GNAS: variants seen among roughly 807,000 people sequenced by gnomAD.
The protein encoded by GNAS is GNAS complex locus.
A neutral mutation model predicts 54.5 loss-of-function variants in GNAS; 8 were observed. That is an observed-to-expected ratio of 0.15 (90% CI 0.09 to 0.26). GNAS has a LOEUF of 0.26. Among genes scored for constraint, GNAS ranks in the 10% least tolerant of loss-of-function variants. GNAS has a pLI of 1.00. For missense variants in GNAS, 170 were observed against 529.8 expected (o/e 0.32, Z 6.67); for synonymous variants, 204 against 191.4 (o/e 1.07, Z -0.54).
rs1435011443 is a variant in GNAS at position 58,909,638 on chromosome 20, A to T, written c.719-46A>T. 6.2e-7 allele frequency: 1 copy of T among 1,613,916 alleles called. No individual in the cohort carries two copies. Among genetic ancestry groups the T allele is most frequent in the Non-Finnish European group, 8.5e-7 (1 of 1,179,992 alleles). On this transcript the variant is annotated intron_variant, in intron 9 of 12. Coordinates refer to ENST00000371085, the MANE Select transcript of GNAS (RefSeq NM_000516.7). This position sits in a 1 kb window ranked among gnomAD's most constrained non-coding sequence, Gnocchi z 7.3. ...ACGCTTTGCTTCTGTGTTGTTAGGG[A>T]TCAGGGTCGCTGCTCACGCTCTTGG...
At chr20:58,859,555 G>C (rs2086673125) in intron 1 of GNAS, among the ~76,000 whole-genome samples, 1 of 151,704 alleles carries the variant, frequency 6.6e-6, no homozygotes, top group Admixed American at 6.6e-5. Flanking sequence ...AAACAGTCCT[G>C]GGCAATAAAA....
intron 1 of GNAS, among the ~76,000 whole-genome samples, chr20:58,860,823 G>A (rs553808071): frequency 3.9e-5 from 6 of 152,176 alleles, no homozygotes; most frequent in African/African-American, 1.4e-4. Context: ...ACCACACCTG[G>A]ATAATTTTTT....
intron 1 of GNAS, among the ~76,000 whole-genome samples, chr20:58,869,640 G>T (rs1174272683): frequency 6.6e-6 from 1 of 152,170 alleles, no homozygotes; most frequent in Non-Finnish European, 1.5e-5. Context: ...ACAGAGAAGG[G>T]ACTTGCTAGG....
At chr20:58,871,646 A>T (rs1278211699) in intron 1 of GNAS, among the ~76,000 whole-genome samples, 1 of 150,324 alleles carries the variant, frequency 6.7e-6, no homozygotes, top group Admixed American at 6.6e-5. Context: ...ACAAAAAAAA[A>T]ACCAAAAAAA....
chr20:58,909,054 C>A lies in GNAS; in HGVS notation c.531-108C>A. On this transcript the variant is annotated intron_variant, in intron 6 of 12. Coordinates refer to ENST00000371085, the MANE Select transcript of GNAS (RefSeq NM_000516.7). The surrounding 1 kb of genome is among the most constrained non-coding windows in gnomAD (Gnocchi z 7.3). ...GTGCCATTGACTTAGTGCTGCATAA[C>A]TGTGGGACGGTCACTTCCGTTGAGC... 2.2e-6 allele frequency: 2 copies of A among 902,592 alleles called. No individual in the cohort carries two copies. Among genetic ancestry groups the A allele is most frequent in the Non-Finnish European group, 3.8e-6 (2 of 532,622 alleles). 55.9% of individuals were successfully genotyped at this position (902,592 alleles called of 1,614,324 possible).
At chr20:58,850,794 C>T (rs1163414904) in intron 1 of GNAS, 6 of 398,738 alleles carry the variant, frequency 1.5e-5, no homozygotes, top group East Asian at 1.4e-4. Flanking sequence ...GACCCCACGG[C>T]GCTAGCGGTC....
At chr20:58,843,130 G>C (rs1414652771) in intron 1 of GNAS, among the ~76,000 whole-genome samples, 2 of 151,934 alleles carry the variant, frequency 1.3e-5, no homozygotes, top group African/African-American at 4.8e-5. Context: ...CTCGCCATCT[G>C]CATTACAGCC....
Position 58,891,746 on chromosome 20 carries a change from G to C in GNAS, c.20G>C (p.Ser7Thr). The change falls in exon 1 of 13, where the codon AGT (serine) becomes ACT (threonine). Residue 7 changes from serine (S) to threonine (T), a missense_variant. This residue lies in a region of GNAS where 56 missense variants were observed against 55.7 expected (regional missense o/e 1.01). Coordinates refer to ENST00000371085, the MANE Select transcript of GNAS (RefSeq NM_000516.7). MGCLGNSKTEDQRNEEK... is the reference protein window; with the variant it reads MGCLGNTKTEDQRNEEK... ...GCCGCCATGGGCTGCCTCGGGAACAGTAAGACCGAGGACCAGCGCAACGAG... is the reference window on the plus strand; with the variant it reads ...GCCGCCATGGGCTGCCTCGGGAACACTAAGACCGAGGACCAGCGCAACGAG... The C allele has an allele frequency of 8.1e-7, 1 of 1,232,162 alleles. No individual in the cohort carries two copies. The highest frequency in any genetic ancestry group is 1.1e-6 in the Non-Finnish European group (1 of 947,920). 76.3% of individuals were successfully genotyped at this position (1,232,162 alleles called of 1,614,324 possible). A position where few individuals can be genotyped will look rare whatever the true frequency, so the allele number is the denominator to read the frequency against.
At position 58,840,996 on chromosome 20, in the gene GNAS, G is replaced by A. The variant is rs1347406783; in HGVS notation, c.43+110G>A. On this transcript the variant is annotated intron_variant, in intron 1 of 12. Transcript: ENST00000306090. The surrounding 1 kb of genome is among the most constrained non-coding windows in gnomAD (Gnocchi z 6.0). ...TCAGGGGCGAGTGGGAAGAGAGGAG[G>A]CTCAGCTGGTCAGCCTGGGATCGGG... The A allele has an allele frequency of 9.0e-6, 11 of 1,216,736 alleles. No individual in the cohort carries two copies. The highest frequency in any genetic ancestry group is 1.3e-5 in the Non-Finnish European group (11 of 852,538). The allele number at this position is 1,216,736 out of a possible 1,614,324, so 75.4% of individuals were successfully genotyped here. A position where few individuals can be genotyped will look rare whatever the true frequency, so the allele number is the denominator to read the frequency against.
intron 1 of GNAS, among the ~76,000 whole-genome samples, chr20:58,893,066 CTTTTTT>C (rs869179421): frequency 0.024 from 2,496 of 103,094 alleles, 18 homozygotes; most frequent in Admixed American, 0.031. Flanking sequence ...GGCGTGGTTT[CTTTTTT>C]TTTTTTTTTT....
chr20:58,879,570 C>T (rs927274019), intron 1 of GNAS, among the ~76,000 whole-genome samples: 1 of 152,186 alleles, frequency 6.6e-6, no homozygotes, highest in Non-Finnish European at 1.5e-5. Context: ...AGGATCAGCT[C>T]AGCCAACCAC....
intron 1 of GNAS, among the ~76,000 whole-genome samples, chr20:58,869,012 C>G (rs1231404923): frequency 6.6e-6 from 1 of 152,212 alleles, no homozygotes; most frequent in African/African-American, 2.4e-5. Context: ...ACGGCCCCTG[C>G]CCCTAAGGCT....
At chr20:58,844,944 GGC>G (rs2085887718) in intron 1 of GNAS, among the ~76,000 whole-genome samples, 1 of 152,192 alleles carries the variant, frequency 6.6e-6, no homozygotes, top group Non-Finnish European at 1.5e-5. Context: ...GGTCTCAAAA[GGC>G]AGTTTAGAGA....
At position 58,910,182 on chromosome 20, in the gene GNAS, A is replaced by C; in HGVS notation, c.970+101A>C. ...TCCCCCTCCCACCACCAAACCATAA[A>C]GGATCTATAAGAGAAGCAAGAAAAA... On this transcript the variant is annotated intron_variant, in intron 11 of 12. Coordinates refer to ENST00000371085, the MANE Select transcript of GNAS (RefSeq NM_000516.7). This position sits in a 1 kb window ranked among gnomAD's most constrained non-coding sequence, Gnocchi z 5.8. 2 of 1,366,824 alleles carry C rather than the reference A, an allele frequency of 1.5e-6. No homozygotes were observed. The highest frequency in any genetic ancestry group is 1.7e-5 in the Admixed American group (1 of 59,720). The allele number at this position is 1,366,824 out of a possible 1,614,324, so 84.7% of individuals were successfully genotyped here.
At chr20:58,840,196 C>A (rs767745741), upstream of GNAS, 4 of 1,611,286 alleles carry the variant, frequency 2.5e-6, no homozygotes, top group Non-Finnish European at 3.4e-6. The surrounding 1 kb of genome is among the most constrained non-coding windows in gnomAD (Gnocchi z 6.0). Context: ...GGGCAGCCAC[C>A]GCGCTCCTCT....
At position 58,909,833 on chromosome 20, in the gene GNAS, G is replaced by T. The variant is rs752087410; in HGVS notation, c.839+29G>T. On this transcript the variant is annotated intron_variant, in intron 10 of 12. Transcript: ENST00000371085. This position sits in a 1 kb window ranked among gnomAD's most constrained non-coding sequence, Gnocchi z 7.3. ...TGTGGAGTGACCGCCCACCCCCTGC[G>T]CTTGCCCAGGAGGCCCTGGTCTGCA... 2.5e-6 allele frequency: 4 copies of T among 1,612,718 alleles called. No homozygotes were observed. In the Admixed American group the frequency reaches 5.0e-5, roughly 20 times the overall value.
At position 58,910,574 on chromosome 20, in the gene GNAS, T is replaced by A. The variant is rs919788748; in HGVS notation, c.1039-109T>A. 7.3e-7 allele frequency: 1 copy of A among 1,377,510 alleles called. No individual in the cohort carries two copies. Among genetic ancestry groups the A allele is most frequent in the African/African-American group, 1.4e-5 (1 of 70,326 alleles). The allele number at this position is 1,377,510 out of a possible 1,614,324, so 85.3% of individuals were successfully genotyped here. A position where few individuals can be genotyped will look rare whatever the true frequency, so the allele number is the denominator to read the frequency against. ...GCCCCTCTTTTTGCTTTTGTTTTCA[T>A]ATGACATCAGAGGCTGGCTGACAGC... On this transcript the variant is annotated intron_variant, in intron 12 of 12. Transcript: ENST00000371085. This position sits in a 1 kb window ranked among gnomAD's most constrained non-coding sequence, Gnocchi z 5.8.
intron 1 of GNAS, 153 bp from the exon 2 acceptor site, chr20:58,895,459 G>C: frequency 1.5e-6 from 1 of 684,976 alleles, no homozygotes; most frequent in Non-Finnish European, 2.7e-6. Flanking sequence ...TTTTCTCTGC[G>C]TCGAAATGTC....
intron 1 of GNAS, among the ~76,000 whole-genome samples, chr20:58,867,274 T>C (rs1600784372): frequency 6.6e-6 from 1 of 152,358 alleles, no homozygotes; most frequent in Middle Eastern, 3.4e-3. Flanking sequence ...TAGCTATTTA[T>C]AATTAAGCAT....
Sources: gnomAD v4.1 joint callset for allele counts (sites outside exome capture counted in the v4.1 genomes callset) on GRCh38, gnomAD v4.1.1 for gene constraint, gnomAD v4.1.1 regional missense constraint, Gnocchi (gnomAD v3.1) non-coding constraint, MANE v1.5 for transcripts, NCBI Gene and HGNC (gene_info 2026-07-23, HGNC 2026-07-21) for gene names.